The following PTPN3 variants were observed in gnomAD, a reference collection of about 807,000 sequenced individuals.
PTPN3 encodes the protein protein tyrosine phosphatase non-receptor type 3, also known as tyrosine-protein phosphatase non-receptor type 3.
PTPN3 carries 96 observed loss-of-function variants against 132.7 expected under a neutral mutation model. The observed-to-expected ratio is 0.72, with a 90% CI of 0.61 to 0.86. PTPN3 has a LOEUF of 0.86. PTPN3 is among the 40% of genes least tolerant of loss of function. The pLI, the probability that PTPN3 is intolerant of heterozygous loss-of-function variation, is 0.00. For synonymous variants in PTPN3, 398 were observed against 429.0 expected (o/e 0.93, Z 0.89); for missense variants, 1,125 against 1,159.6 (o/e 0.97, Z 0.43).
intron 19 of PTPN3, among the ~76,000 whole-genome samples, chr9:109,397,926 A>AAAAC (rs201224071): frequency 6.6e-6 from 1 of 152,150 alleles, no homozygotes; most frequent in Non-Finnish European, 1.5e-5. Flanking sequence ...CTTTCCTTAA[A>AAAAC]AAACAAACAA....
chr9:109,471,239 T>G (rs1846366694), intron 1 of PTPN3, among the ~76,000 whole-genome samples: 1 of 152,172 alleles, frequency 6.6e-6, no homozygotes, highest in Admixed American at 6.5e-5. Context: ...GTATTTTTAG[T>G]AGAGACAGTG....
intron 1 of PTPN3, among the ~76,000 whole-genome samples, chr9:109,477,646 C>T (rs1846747536): frequency 6.6e-6 from 1 of 152,238 alleles, no homozygotes; most frequent in Non-Finnish European, 1.5e-5. Flanking sequence ...GGCAGCCGTC[C>T]CTGGGTTAAT....
chr9:109,391,870 T>TGTGG (rs1554777546), intron 19 of PTPN3, among the ~76,000 whole-genome samples: 1 of 29,444 alleles, frequency 3.4e-5, no homozygotes, highest in African/African-American at 1.7e-4. Flanking sequence ...CAACTAGATG[T>TGTGG]GGGGGGGGGG....
chr9:109,451,670 T>C (rs905359645), intron 5 of PTPN3, among the ~76,000 whole-genome samples: 8 of 152,210 alleles, frequency 5.3e-5, no homozygotes, highest in Non-Finnish European at 1.0e-4. Context: ...CAGGAAGATT[T>C]TGTCAGCTCC....
Position 109,408,589 on chromosome 9 carries a change from C to T in PTPN3, c.1579-212G>A, listed in dbSNP as rs888751033. 2.6e-5 allele frequency among the ~76,000 whole-genome samples: 4 copies of T among 151,786 alleles called. No individual in the cohort carries two copies. In the East Asian group the frequency reaches 5.8e-4, roughly 22 times the overall value. On this transcript the variant is annotated intron_variant, in intron 16 of 25. Transcript: ENST00000374541. ...AAATTCCTGACCCCTCTGGATCCAG[C>T]GGGCTGACCAGGACTCTGTTCAGAA... is the stretch of plus-strand genomic sequence containing the variant.
intron 2 of PTPN3, among the ~76,000 whole-genome samples, chr9:109,461,827 C>T (rs988690147): frequency 1.3e-5 from 2 of 152,028 alleles, no homozygotes; most frequent in Non-Finnish European, 2.9e-5. Context: ...GGCTGGGGGG[C>T]TCCCCTATGG....
chr9:109,378,486 T>C lies in PTPN3; in HGVS notation c.*1070A>G, dbSNP rs1838753967. 6.6e-6 allele frequency: 1 copy of C among 152,604 alleles called. No individual in the cohort carries two copies. The highest frequency in any genetic ancestry group is 2.4e-5 in the African/African-American group (1 of 41,418). The allele number at this position is 152,604 out of a possible 1,614,324, so 9.5% of individuals were successfully genotyped here. On this transcript the variant is annotated 3_prime_UTR_variant, in exon 26 of 26. Transcript: ENST00000374541. ...ATTTGTTCTTCCATACAGAGACTCA[T>C]TCTTTATATATACTCAACGGTAATT...
chr9:109,457,464 C>T lies in PTPN3; in HGVS notation c.139-65G>A, dbSNP rs368886478. The T allele has an allele frequency of 7.1e-5, 91 of 1,289,514 alleles. No homozygotes were observed. The African/African-American group carries it at 9.8e-4, about 14-fold the overall frequency. The allele number at this position is 1,289,514 out of a possible 1,614,324, so 79.9% of individuals were successfully genotyped here. Reference sequence around the variant, plus strand: ...TTAATTGGTGGTAAAAACATCTTTACTGTAGGCAAAAAAGAGTTAAAATAT... The same window carrying T: ...TTAATTGGTGGTAAAAACATCTTTATTGTAGGCAAAAAAGAGTTAAAATAT... On this transcript the variant is annotated intron_variant, in intron 2 of 25. Coordinates refer to ENST00000374541, the MANE Select transcript of PTPN3 (RefSeq NM_002829.4).
At chr9:109,525,457 A>T in the PTPN3 span, among the ~76,000 whole-genome samples, 2 of 152,222 alleles carry the variant, frequency 1.3e-5, no homozygotes, top group African/African-American at 4.8e-5. Flanking sequence ...CATGAGGATC[A>T]TCTTGAGGAG....
intron 14 of PTPN3, among the ~76,000 whole-genome samples, chr9:109,418,834 C>T (rs1564418438): frequency 6.6e-6 from 1 of 152,148 alleles, no homozygotes; most frequent in Non-Finnish European, 1.5e-5. Flanking sequence ...AGATGCTGTA[C>T]AATTCTGTGA....
chr9:109,470,443 C>A (rs966764558), intron 1 of PTPN3, among the ~76,000 whole-genome samples: 1 of 152,036 alleles, frequency 6.6e-6, no homozygotes, highest in Non-Finnish European at 1.5e-5. Context: ...TGTTTTAAAG[C>A]CAGGCCTAAC....
intron 12 of PTPN3, 142 bp from the exon 13 acceptor site, chr9:109,422,994 G>C (rs1198323285): frequency 9.9e-7 from 1 of 1,009,032 alleles, no homozygotes; most frequent in African/African-American, 1.6e-5. Flanking sequence ...GAGGGAGACA[G>C]CTCAAAAGCG....
chr9:109,401,459 G>A (rs1027456302), intron 19 of PTPN3, among the ~76,000 whole-genome samples: 1 of 152,214 alleles, frequency 6.6e-6, no homozygotes, highest in Admixed American at 6.5e-5. Context: ...GACAGGGTGG[G>A]TATTTATCTC....
chr9:109,414,598 T>C (rs554766079), intron 14 of PTPN3, among the ~76,000 whole-genome samples: 75 of 152,314 alleles, frequency 4.9e-4, no homozygotes, highest in African/African-American at 1.8e-3. Flanking sequence ...CTGTAATAAA[T>C]GCCAAGGGCA....
the PTPN3 span, chr9:109,532,826 G>C: frequency 1.1e-6 from 1 of 921,048 alleles, no homozygotes; most frequent in Non-Finnish European, 1.5e-6. Flanking sequence ...TGATAAGTCG[G>C]AATTTACTCA....
At chr9:109,478,390 C>T (rs949133338) in intron 1 of PTPN3, among the ~76,000 whole-genome samples, 3 of 152,282 alleles carry the variant, frequency 2.0e-5, no homozygotes, top group African/African-American at 4.8e-5. Flanking sequence ...TATGACTCTA[C>T]GATATTCCAC....
At chr9:109,443,914 T>C (rs1475368973) in intron 7 of PTPN3, among the ~76,000 whole-genome samples, 1 of 152,176 alleles carries the variant, frequency 6.6e-6, no homozygotes, top group African/African-American at 2.4e-5. Context: ...ACCTCCTGGT[T>C]CCATGCAGGT....
At position 109,445,862 on chromosome 9, in the gene PTPN3, C is replaced by T. The variant is rs16914154; in HGVS notation, c.414-570G>A. 7.8e-3 allele frequency among the ~76,000 whole-genome samples: 1,194 copies of T among 152,246 alleles called. 12 individuals carry two copies. Among genetic ancestry groups the T allele is most frequent in the African/African-American group, 0.026 (1,095 of 41,542 alleles). ...ACTTAGGATTCCTTTATCTATTTGC[C>T]CTCCTGAAGATCTACAGAGTTCAGT... On this transcript the variant is annotated intron_variant, in intron 6 of 25. Coordinates refer to ENST00000374541, the MANE Select transcript of PTPN3 (RefSeq NM_002829.4).
At chr9:109,441,113 C>A (rs1172049505) in intron 7 of PTPN3, among the ~76,000 whole-genome samples, 1 of 152,136 alleles carries the variant, frequency 6.6e-6, no homozygotes, top group Non-Finnish European at 1.5e-5. Flanking sequence ...TGACCATAGT[C>A]CCTGCTCTTA....
Sources: gnomAD v4.1 joint callset for allele counts (sites outside exome capture counted in the v4.1 genomes callset) on GRCh38, gnomAD v4.1.1 for gene constraint, MANE v1.5 for transcripts, NCBI Gene and HGNC (gene_info 2026-07-23, HGNC 2026-07-21) for gene names.